SBF2: variants seen among roughly 807,000 people sequenced by gnomAD.
SBF2 encodes the protein SET binding factor 2, also known as myotubularin-related protein 13.
A neutral mutation model predicts 225.2 loss-of-function variants in SBF2; 112 were observed. The ratio of observed to expected loss-of-function variants is 0.50; its 90% CI spans 0.43 to 0.58. SBF2 has a LOEUF of 0.58. Ranked by LOEUF, SBF2 falls within the 20% of genes least tolerant of loss-of-function variation. The probability of loss-of-function intolerance (pLI) is 0.00; values close to 1 mark genes in which losing one functional copy is unlikely to be tolerated. For missense variants in SBF2, 1,996 were observed against 2,206.2 expected (o/e 0.90, Z 1.91); for synonymous variants, 763 against 773.3 (o/e 0.99, Z 0.22).
chr11:10,033,878 C>T (rs1229156994), intron 3 of SBF2, among the ~76,000 whole-genome samples: 2 of 151,944 alleles, frequency 1.3e-5, no homozygotes, highest in Non-Finnish European at 2.9e-5. Context: ...GTGTGTTTTA[C>T]AATGACAGAT....
chr11:9,976,773 T>C (rs1004152543), intron 13 of SBF2, among the ~76,000 whole-genome samples: 7 of 149,824 alleles, frequency 4.7e-5, no homozygotes, highest in Non-Finnish European at 8.8e-5. Flanking sequence ...TGTTGTTGTT[T>C]TTTGTTTTTT....
intron 13 of SBF2, among the ~76,000 whole-genome samples, chr11:9,971,761 G>T (rs1029712890): frequency 6.6e-6 from 1 of 152,136 alleles, no homozygotes; most frequent in Non-Finnish European, 1.5e-5. Context: ...CTATAATTTG[G>T]TAAGTTCATC....
intron 22 of SBF2, among the ~76,000 whole-genome samples, chr11:9,849,101 T>C (rs1160682977): frequency 1.3e-5 from 2 of 152,196 alleles, no homozygotes; most frequent in Non-Finnish European, 2.9e-5. Context: ...GCTAAAGAAA[T>C]ACACAGATGC....
intron 1 of SBF2, among the ~76,000 whole-genome samples, chr11:10,231,275 A>G (rs2135434450): frequency 6.6e-6 from 1 of 152,130 alleles, no homozygotes; most frequent in African/African-American, 2.4e-5. Context: ...TCTACCTCGG[A>G]GCAGTTTGAT....
chr11:9,919,492 G>C (rs1429406899), intron 16 of SBF2, among the ~76,000 whole-genome samples: 1 of 152,058 alleles, frequency 6.6e-6, no homozygotes, highest in African/African-American at 2.4e-5. Context: ...ACAACTCTAA[G>C]GGGGTGTGCG....
rs186827021 is a variant in SBF2, at chr11:9,853,476, G to A, written c.2536+64C>T. 1.7e-5 allele frequency: 24 copies of A among 1,419,270 alleles called. No homozygotes were observed. In the African/African-American group the frequency reaches 2.1e-4, roughly 12 times the overall value. The allele number at this position is 1,419,270 out of a possible 1,614,324, so 87.9% of individuals were successfully genotyped here. ...CTATAATGGAAGACATGTATTGCCAGGTTTTATGCTGAAACTCAATAATCT... is the reference window on the plus strand; with the variant it reads ...CTATAATGGAAGACATGTATTGCCAAGTTTTATGCTGAAACTCAATAATCT... On this transcript the variant is annotated intron_variant, in intron 20 of 39. Coordinates refer to ENST00000256190, the MANE Select transcript of SBF2 (RefSeq NM_030962.4).
At chr11:10,129,432 A>G (rs1489603005) in intron 2 of SBF2, among the ~76,000 whole-genome samples, 3 of 152,144 alleles carry the variant, frequency 2.0e-5, no homozygotes, top group African/African-American at 7.2e-5. Context: ...AAAGGAATCA[A>G]CAGCTATATA....
intron 16 of SBF2, among the ~76,000 whole-genome samples, chr11:9,930,810 G>C (rs61876944): frequency 0.2 from 30,976 of 152,172 alleles, 3,918 homozygotes; most frequent in Non-Finnish European, 0.29. Context: ...CCTCACCTGC[G>C]AAGAGCAAGA....
At chr11:10,240,371 A>C (rs1245318236) in intron 1 of SBF2, among the ~76,000 whole-genome samples, 5 of 152,194 alleles carry the variant, frequency 3.3e-5, no homozygotes, top group Non-Finnish European at 5.9e-5. Context: ...TTTATAGGAA[A>C]GATGGGAACT....
chr11:9,836,436 T>C (rs1855740811), intron 26 of SBF2, among the ~76,000 whole-genome samples: 2 of 152,194 alleles, frequency 1.3e-5, no homozygotes, highest in African/African-American at 4.8e-5. Context: ...GGGGTGTTTC[T>C]GTTTAATATA....
intron 1 of SBF2, among the ~76,000 whole-genome samples, chr11:10,231,290 T>C (rs1958832137): frequency 6.6e-6 from 1 of 152,152 alleles, no homozygotes; most frequent in African/African-American, 2.4e-5. Context: ...TTTGATCTTC[T>C]GAAGCCTTCT....
intron 13 of SBF2, among the ~76,000 whole-genome samples, chr11:9,970,828 C>G (rs1163719944): frequency 6.6e-6 from 1 of 152,168 alleles, no homozygotes; most frequent in Non-Finnish European, 1.5e-5. Context: ...CCCCCCATAT[C>G]TAGCAAAGAC....
At position 9,996,642 on chromosome 11, in the gene SBF2, G is replaced by A. The variant is rs537930831; in HGVS notation, c.975+1624C>T. Among the ~76,000 whole-genome samples, 4 of 152,264 alleles carry A rather than the reference G, an allele frequency of 2.6e-5. No individual in the cohort carries two copies. The East Asian group carries it at 7.7e-4, about 29-fold the overall frequency. ...CTGACCTCGTGATCTGCCTGCCTCGGCCTCCCAAAGTGCTGGGATTACAGG... is the reference window on the plus strand; with the variant it reads ...CTGACCTCGTGATCTGCCTGCCTCGACCTCCCAAAGTGCTGGGATTACAGG... On this transcript the variant is annotated intron_variant, in intron 9 of 39. Coordinates refer to ENST00000256190, the MANE Select transcript of SBF2 (RefSeq NM_030962.4).
rs1263503603 is a variant in SBF2 at position 9,962,875 on chromosome 11, G to GCAAAAGT, written c.1711-770_1711-769insACTTTTG. 7.9e-5 allele frequency among the ~76,000 whole-genome samples: 12 copies of GCAAAAGT among 152,270 alleles called. No homozygotes were observed. The East Asian group carries it at 2.3e-3, about 29-fold the overall frequency. ...GATGTGAAAGTTGAAAGCAAAAGAA[G>GCAAAAGT]TGAAAGACTTCAACTCTAAGAAAAC... On this transcript the variant is annotated intron_variant, in intron 15 of 39. Transcript: ENST00000256190.
chr11:10,256,489 T>A (rs1960876839), intron 1 of SBF2, among the ~76,000 whole-genome samples: 1 of 152,186 alleles, frequency 6.6e-6, no homozygotes, highest in South Asian at 2.1e-4. Context: ...CAGTTCCTGG[T>A]CCAGGTAATT....
In SBF2 at chr11:9,859,885, T is replaced by C. The variant is rs370459299; in HGVS notation, c.1930-1489A>G. ...TGCCATCTGTAAGACCCTTTCAAGA[T>C]AGGACTGTGTTACTGCTGCTGAGGT... On this transcript the variant is annotated intron_variant, in intron 17 of 39. Coordinates refer to ENST00000256190, the MANE Select transcript of SBF2 (RefSeq NM_030962.4). 3.7e-4 allele frequency among the ~76,000 whole-genome samples: 57 copies of C among 152,344 alleles called. No individual in the cohort carries two copies. In the South Asian group the frequency reaches 4.8e-3, roughly 13 times the overall value.
At chr11:10,082,803 A>G (rs983539279) in intron 2 of SBF2, among the ~76,000 whole-genome samples, 2 of 152,144 alleles carry the variant, frequency 1.3e-5, no homozygotes, top group African/African-American at 2.4e-5. Flanking sequence ...AAAGATGAAA[A>G]TATTTCCCCT....
In SBF2 at chr11:9,790,653, T is replaced by C. The variant is rs779463720; in HGVS notation, c.4601A>G (p.His1534Arg). ...CCAAATACAGACTCCTTTTTTGGCA[T>C]GCTTTTCTCCTTTATCATCAAATAA... ...GTLFDDKGEK[H>R]AKKGVCIWEC... Residue 1534 changes from histidine (H) to arginine (R), a missense_variant, in exon 34 of 40, where the codon CAT becomes CGT. Physicochemically the swap from His to Arg is conservative, Grantham distance 29. Transcript: ENST00000256190. 2.5e-6 allele frequency: 4 copies of C among 1,584,296 alleles called. No individual in the cohort carries two copies. Among genetic ancestry groups the C allele is most frequent in the Non-Finnish European group, 3.5e-6 (4 of 1,154,180 alleles).
At chr11:10,167,447 T>C (rs1357171065) in intron 2 of SBF2, among the ~76,000 whole-genome samples, 1 of 152,132 alleles carries the variant, frequency 6.6e-6, no homozygotes, top group Admixed American at 6.5e-5. Context: ...CTCATGCCTA[T>C]AGGCCCAACA....
Sources: gnomAD v4.1 joint callset for allele counts (sites outside exome capture counted in the v4.1 genomes callset) on GRCh38, gnomAD v4.1.1 for gene constraint, MANE v1.5 for transcripts, NCBI Gene and HGNC (gene_info 2026-07-23, HGNC 2026-07-21) for gene names.